Variants in NBEA observed in about 807,000 individuals in gnomAD.
The protein encoded by NBEA is lysosomal-trafficking regulator 2.
A neutral mutation model predicts 343.4 loss-of-function variants in NBEA; 44 were observed. The ratio of observed to expected loss-of-function variants is 0.13; its 90% CI spans 0.10 to 0.16. The LOEUF (loss-of-function observed/expected upper bound fraction) is 0.16. Among genes scored for constraint, NBEA ranks in the 10% least tolerant of loss-of-function variants. NBEA has a pLI of 1.00. For synonymous variants in NBEA, 1,175 were observed against 1,238.7 expected (o/e 0.95, Z 1.08); for missense variants, 2,555 against 3,631.3 (o/e 0.70, Z 7.62).
intron 45 of NBEA, among the ~76,000 whole-genome samples, chr13:35,574,110 GATA>G (rs1235936065): frequency 6.6e-6 from 1 of 152,010 alleles, no homozygotes; most frequent in African/African-American, 2.4e-5. Context: ...TTGGGATAAT[GATA>G]ATAATAATAG....
At chr13:35,350,851 T>C (rs1344222485) in intron 37 of NBEA, among the ~76,000 whole-genome samples, 1 of 151,646 alleles carries the variant, frequency 6.6e-6, no homozygotes, top group African/African-American at 2.4e-5. Flanking sequence ...TTTTGAGGAA[T>C]TTTTCTATCC....
At chr13:35,070,362 A>C (rs1472151346) in intron 9 of NBEA, among the ~76,000 whole-genome samples, 1 of 152,042 alleles carries the variant, frequency 6.6e-6, no homozygotes, top group Admixed American at 6.6e-5. Flanking sequence ...CAATTAACTG[A>C]ATAAGTTAGT....
chr13:35,638,045 T>C (rs1852819754), intron 49 of NBEA, among the ~76,000 whole-genome samples: 3 of 152,190 alleles, frequency 2.0e-5, no homozygotes, highest in Admixed American at 2.0e-4. Flanking sequence ...ATTCCACTTC[T>C]ATGAGGTATC....
At chr13:35,203,651 T>G (rs1334963991) in intron 31 of NBEA, among the ~76,000 whole-genome samples, 1 of 152,148 alleles carries the variant, frequency 6.6e-6, no homozygotes, top group African/African-American at 2.4e-5. Context: ...AATGAATGAG[T>G]GAATGTATCA....
chr13:35,057,464 A>G (rs2152566848), intron 7 of NBEA, among the ~76,000 whole-genome samples: 2 of 152,278 alleles, frequency 1.3e-5, no homozygotes, highest in Middle Eastern at 3.4e-3. Context: ...GACGCAAACA[A>G]AATCAAAGAA....
At chr13:35,218,371 A>C (rs1270673902) in intron 33 of NBEA, among the ~76,000 whole-genome samples, 1 of 151,948 alleles carries the variant, frequency 6.6e-6, no homozygotes. Flanking sequence ...ATGTTAACTC[A>C]CTTATTATTC....
intron 31 of NBEA, among the ~76,000 whole-genome samples, chr13:35,205,627 A>G (rs572037245): frequency 9.9e-5 from 15 of 152,196 alleles, no homozygotes; most frequent in Middle Eastern, 6.8e-3. Context: ...AACTACACGT[A>G]TGAGATATGA....
Position 34,942,589 on chromosome 13 carries a change from T to G in NBEA, c.-232T>G. ...GGCACAGCCGCTTGCCCGGCAGCGGTTAGCGGTACCGCCACCGCCGAGAAT... is the reference window on the plus strand; with the variant it reads ...GGCACAGCCGCTTGCCCGGCAGCGGGTAGCGGTACCGCCACCGCCGAGAAT... On this transcript the variant is annotated 5_prime_UTR_variant, in exon 1 of 59. Transcript: ENST00000379939. 5.4e-5 allele frequency: 13 copies of G among 241,134 alleles called. No individual in the cohort carries two copies. The highest frequency in any genetic ancestry group is 7.8e-5 in the Non-Finnish European group (10 of 127,520). The allele number at this position is 241,134 out of a possible 1,614,324, so 14.9% of individuals were successfully genotyped here.
At chr13:35,035,074 G>A (rs548169936) in intron 1 of NBEA, among the ~76,000 whole-genome samples, 1 of 151,626 alleles carries the variant, frequency 6.6e-6, no homozygotes, top group African/African-American at 2.4e-5. Flanking sequence ...TGGATTTGGT[G>A]TGCTCTTGAT....
At chr13:35,669,375 T>C (rs900757139) in intron 58 of NBEA, among the ~76,000 whole-genome samples, 2 of 152,198 alleles carry the variant, frequency 1.3e-5, no homozygotes, top group Admixed American at 6.5e-5. Flanking sequence ...GTAATATTCC[T>C]CATAACAGTA....
intron 1 of NBEA, among the ~76,000 whole-genome samples, chr13:34,971,430 C>T (rs1256912737): frequency 1.3e-5 from 2 of 152,052 alleles, no homozygotes; most frequent in African/African-American, 4.8e-5. Context: ...TGTCTTGTGC[C>T]AGTTTTCAAG....
At chr13:35,667,598 G>A in intron 57 of NBEA, 28 bp downstream of exon 57, 2 of 1,576,702 alleles carry the variant, frequency 1.3e-6, no homozygotes, top group Non-Finnish European at 1.7e-6. Flanking sequence ...GTGCTAAGTA[G>A]GACTGAAGCC....
intron 38 of NBEA, among the ~76,000 whole-genome samples, chr13:35,424,617 A>C (rs1296085597): frequency 6.6e-6 from 1 of 151,896 alleles, no homozygotes; most frequent in African/African-American, 2.4e-5. Flanking sequence ...TCTCTTTTTC[A>C]GTTGGGTCTC....
At chr13:35,303,742 A>G (rs1025996682) in intron 35 of NBEA, among the ~76,000 whole-genome samples, 3 of 151,990 alleles carry the variant, frequency 2.0e-5, no homozygotes, top group Admixed American at 1.3e-4. Flanking sequence ...CCCTTTCATT[A>G]TGGTCCATAA....
intron 31 of NBEA, among the ~76,000 whole-genome samples, chr13:35,207,355 A>T (rs1311739259): frequency 6.6e-6 from 1 of 152,072 alleles, no homozygotes; most frequent in East Asian, 1.9e-4. Flanking sequence ...CATTAAAAAG[A>T]TGTAAATCAA....
At chr13:35,151,393 A>G (rs898546811) in intron 18 of NBEA, among the ~76,000 whole-genome samples, 1 of 152,026 alleles carries the variant, frequency 6.6e-6, no homozygotes, top group Non-Finnish European at 1.5e-5. Flanking sequence ...AATATACAAA[A>G]TTAGCCAGGC....
intron 38 of NBEA, among the ~76,000 whole-genome samples, chr13:35,389,889 A>G (rs909188374): frequency 1.3e-5 from 2 of 150,668 alleles, no homozygotes; most frequent in African/African-American, 4.9e-5. Flanking sequence ...TCACTTTAGT[A>G]GTTTTTGTGG....
chr13:35,474,773 G>T, intron 41 of NBEA: 1 of 336,358 alleles, frequency 3.0e-6, no homozygotes, highest in South Asian at 5.8e-5. Context: ...CGTTACAGCT[G>T]GGCTGTTTAC....
chr13:35,133,467 T>C (rs2067540377), intron 17 of NBEA, among the ~76,000 whole-genome samples: 1 of 152,090 alleles, frequency 6.6e-6, no homozygotes, highest in South Asian at 2.1e-4. Flanking sequence ...ATACTTATAC[T>C]CTATGACTAA....
Sources: allele counts gnomAD v4.1 joint callset (sites outside exome capture counted in the v4.1 genomes callset), GRCh38; gene constraint gnomAD v4.1.1; transcripts MANE v1.5; gene names NCBI Gene and HGNC (gene_info 2026-07-23, HGNC 2026-07-21).